The following TDRD3 variants were observed in gnomAD, a reference collection of about 807,000 sequenced individuals.
TDRD3 encodes tudor domain containing 3.
TDRD3 carries 45 observed loss-of-function variants against 86.7 expected under a neutral mutation model. The ratio of observed to expected loss-of-function variants is 0.52; its 90% CI spans 0.41 to 0.67. The LOEUF (loss-of-function observed/expected upper bound fraction) is 0.67. Among genes scored for constraint, TDRD3 ranks in the 30% least tolerant of loss-of-function variants. The pLI is 0.00. For missense variants in TDRD3, 814 were observed against 889.0 expected, an observed-to-expected ratio of 0.92 and a Z score of 1.07; for synonymous variants, 298 against 301.7, an observed-to-expected ratio of 0.99 and a Z score of 0.13.
chr13:60,562,314 C>CT (rs71199009), intron 12 of TDRD3, among the ~76,000 whole-genome samples: 2 of 151,530 alleles, frequency 1.3e-5, no homozygotes, highest in African/African-American at 4.8e-5. Flanking sequence ...CTCAGTCTCC[C>CT]TTCCCCCCAC....
At chr13:60,492,917 CTT>C (rs71199004) in intron 7 of TDRD3, among the ~76,000 whole-genome samples, 3 of 115,462 alleles carry the variant, frequency 2.6e-5, no homozygotes, top group Non-Finnish European at 5.3e-5. Flanking sequence ...TCTTTCTTTT[CTT>C]TTTTTTTTTT....
chr13:60,486,975 ACAGT>A (rs1456391800), intron 7 of TDRD3, among the ~76,000 whole-genome samples: 3 of 152,130 alleles, frequency 2.0e-5, no homozygotes, highest in African/African-American at 7.2e-5. Context: ...TTATGTGTAG[ACAGT>A]CAGCTCTCCA....
intron 12 of TDRD3, among the ~76,000 whole-genome samples, chr13:60,551,385 G>C (rs1422700222): frequency 6.6e-6 from 1 of 152,214 alleles, no homozygotes; most frequent in Non-Finnish European, 1.5e-5. Context: ...CACACAGGTT[G>C]TTAATTAATG....
At chr13:60,396,392 CGCCCAATCGCGCGGTAGCGTCCGCCGT>C (rs1451303890), upstream of TDRD3, 1 of 152,274 alleles carries the variant, frequency 6.6e-6, no homozygotes, top group Non-Finnish European at 1.5e-5. Context: ...GAGTCACGGA[CGCCCAATCGCGCGGTAGCGTCCGCCGT>C]GCCGCTGGGC....
At chr13:60,437,601 ATTTAT>A (rs1192688905) in intron 1 of TDRD3, among the ~76,000 whole-genome samples, 1 of 150,682 alleles carries the variant, frequency 6.6e-6, no homozygotes, top group Non-Finnish European at 1.5e-5. Flanking sequence ...AATTAAATTA[ATTTAT>A]TATAATATAA....
chr13:60,570,364 C>G (rs1252033982), intron 13 of TDRD3, among the ~76,000 whole-genome samples: 1 of 152,080 alleles, frequency 6.6e-6, no homozygotes, highest in Non-Finnish European at 1.5e-5. Context: ...TGAGATATCA[C>G]CTTACCTCAG....
At chr13:60,527,924 C>T (rs893514661) in intron 10 of TDRD3, among the ~76,000 whole-genome samples, 1 of 152,078 alleles carries the variant, frequency 6.6e-6, no homozygotes, top group Non-Finnish European at 1.5e-5. Flanking sequence ...TTTGCAAAGG[C>T]TAGAACATGA....
At chr13:60,397,716 G>T (rs1953967530) in intron 1 of TDRD3, among the ~76,000 whole-genome samples, 1 of 150,888 alleles carries the variant, frequency 6.6e-6, no homozygotes, top group African/African-American at 2.4e-5. Flanking sequence ...CCCAGACCCC[G>T]GCCGACCGGA....
intron 12 of TDRD3, among the ~76,000 whole-genome samples, chr13:60,565,260 T>C (rs531682196): frequency 2.1e-4 from 32 of 151,646 alleles, no homozygotes; most frequent in Non-Finnish European, 4.0e-4. Context: ...TTTCACCTTG[T>C]TAGCCAGGAT....
At chr13:60,515,415 C>T (rs1957147182) in intron 10 of TDRD3, among the ~76,000 whole-genome samples, 1 of 152,144 alleles carries the variant, frequency 6.6e-6, no homozygotes, top group African/African-American at 2.4e-5. Context: ...GTTGGCCTCA[C>T]ACAGAAGAGA....
chr13:60,407,270 C>T (rs567625467), intron 1 of TDRD3, among the ~76,000 whole-genome samples: 29 of 152,284 alleles, frequency 1.9e-4, no homozygotes, highest in African/African-American at 6.7e-4. Context: ...ATGTAAGGTG[C>T]ACAGTAGACA....
At chr13:60,440,703 A>G (rs1320539220) in intron 2 of TDRD3, among the ~76,000 whole-genome samples, 1 of 152,108 alleles carries the variant, frequency 6.6e-6, no homozygotes, top group African/African-American at 2.4e-5. Context: ...AAGTAAACAA[A>G]TGTTCTTTTC....
At chr13:60,405,516 A>G (rs1210780462) in intron 1 of TDRD3, among the ~76,000 whole-genome samples, 1 of 152,150 alleles carries the variant, frequency 6.6e-6, no homozygotes, top group African/African-American at 2.4e-5. Context: ...AGAGAATGCT[A>G]TCCTGAGATC....
chr13:60,532,742 T>C lies in TDRD3; in HGVS notation c.1993-2366T>C, dbSNP rs183736724. 2.6e-5 allele frequency among the ~76,000 whole-genome samples: 4 copies of C among 152,256 alleles called. No individual in the cohort carries two copies. The East Asian group carries it at 7.7e-4, about 29-fold the overall frequency. ...GTAGACTGCTAAACTAGTTCAGCTA[T>C]TTTTTTCGTCAACTGAAATATTACA... is the stretch of plus-strand genomic sequence containing the variant. On this transcript the variant is annotated intron_variant, in intron 11 of 13. Transcript: ENST00000377881.
Position 60,567,645 on chromosome 13 carries a change from G to A in TDRD3, c.*4G>A, listed in dbSNP as rs1488985846. 3 of 1,613,778 alleles carry A rather than the reference G, an allele frequency of 1.9e-6. No homozygotes were observed. On this transcript the variant is annotated 3_prime_UTR_variant, in exon 13 of 14. Coordinates refer to ENST00000377881, the MANE Select transcript of TDRD3 (RefSeq NM_001146070.2). ...ACCACCCCGGGCTCGGAACTAATAG[G>A]AAAAGGTAAACTTAACATTGTGAAG...
chr13:60,505,498 C>T (rs1205752210), intron 8 of TDRD3, among the ~76,000 whole-genome samples: 5 of 152,158 alleles, frequency 3.3e-5, no homozygotes, highest in South Asian at 2.1e-4. Flanking sequence ...GGGGAAGGGG[C>T]GGCTGTGGGC....
chr13:60,548,545 C>A (rs1319569255), intron 12 of TDRD3, among the ~76,000 whole-genome samples: 2 of 152,118 alleles, frequency 1.3e-5, no homozygotes. Flanking sequence ...GATTAGATTA[C>A]ATTATTAAAG....
chr13:60,446,411 A>G (rs1024524500), intron 3 of TDRD3, among the ~76,000 whole-genome samples: 5 of 152,040 alleles, frequency 3.3e-5, no homozygotes, highest in Non-Finnish European at 7.4e-5. Flanking sequence ...ATTTTTTAGT[A>G]GAGATGGATT....
At chr13:60,481,816 G>C (rs920692442) in intron 5 of TDRD3, among the ~76,000 whole-genome samples, 2 of 152,140 alleles carry the variant, frequency 1.3e-5, no homozygotes, top group Admixed American at 6.5e-5. Context: ...ACATTGTGAT[G>C]TTGGTAGTTG....
Sources: gnomAD v4.1 joint callset for allele counts (sites outside exome capture counted in the v4.1 genomes callset) on GRCh38, gnomAD v4.1.1 for gene constraint, MANE v1.5 for transcripts, NCBI Gene and HGNC (gene_info 2026-07-23, HGNC 2026-07-21) for gene names.